Variants in ITPR2 observed in about 807,000 individuals in gnomAD.
The protein encoded by ITPR2 is inositol 1,4,5-trisphosphate receptor type 2.
A neutral mutation model predicts 317.1 loss-of-function variants in ITPR2; 207 were observed. The observed-to-expected ratio is 0.65, with a 90% CI of 0.58 to 0.73. ITPR2 has a LOEUF of 0.73. Ranked by LOEUF, ITPR2 falls within the 30% of genes least tolerant of loss-of-function variation. The pLI is 0.00. For synonymous variants in ITPR2, 1,156 were observed against 1,149.1 expected, an observed-to-expected ratio of 1.01 and a Z score of -0.12; for missense variants, 2,613 against 3,284.0, an observed-to-expected ratio of 0.80 and a Z score of 4.99.
chr12:26,815,240 G>A (rs960349241), intron 1 of ITPR2, among the ~76,000 whole-genome samples: 5 of 152,288 alleles, frequency 3.3e-5, no homozygotes, highest in African/African-American at 1.2e-4. Flanking sequence ...GCTGAGGCAG[G>A]AGAATCACTT....
At chr12:26,775,891 T>G (rs1333742710) in intron 2 of ITPR2, among the ~76,000 whole-genome samples, 3 of 147,786 alleles carry the variant, frequency 2.0e-5, no homozygotes, top group Non-Finnish European at 4.5e-5. Flanking sequence ...TGCAGAACCT[T>G]GTGATCGTGT....
chr12:26,486,854 G>A lies in ITPR2; in HGVS notation c.5554+214C>T, dbSNP rs148862416. 51 of 679,242 alleles carry A rather than the reference G, an allele frequency of 7.5e-5. 1 individual carries two copies. The highest frequency in any genetic ancestry group is 4.9e-4 in the African/African-American group (28 of 56,894). The allele number at this position is 679,242 out of a possible 1,614,324, so 42.1% of individuals were successfully genotyped here. ...AATGAAATCAAACATCTTTCATGCC[G>A]TTGGTTGCTTTGCACTGATTATGTC... On this transcript the variant is annotated intron_variant, in intron 40 of 56. Coordinates refer to ENST00000381340, the MANE Select transcript of ITPR2 (RefSeq NM_002223.4).
At chr12:26,727,967 G>A (rs757508703) in intron 2 of ITPR2, among the ~76,000 whole-genome samples, 6 of 152,104 alleles carry the variant, frequency 3.9e-5, no homozygotes, top group African/African-American at 7.2e-5. Context: ...TGAAGGCAGC[G>A]AAGAATGCTA....
intron 45 of ITPR2, among the ~76,000 whole-genome samples, chr12:26,469,652 G>C (rs1323060978): frequency 2.0e-5 from 3 of 151,946 alleles, no homozygotes; most frequent in Non-Finnish European, 4.4e-5. Flanking sequence ...CAAATTCCCT[G>C]AGAGCTGATC....
At chr12:26,362,235 C>G (rs1231386800) in intron 55 of ITPR2, among the ~76,000 whole-genome samples, 2 of 152,174 alleles carry the variant, frequency 1.3e-5, no homozygotes, top group Non-Finnish European at 2.9e-5. Flanking sequence ...CTAGTTCAAC[C>G]TGCACTTCCT....
chr12:26,436,498 A>C, intron 47 of ITPR2, 152 bp from the exon 48 acceptor site: 1 of 684,364 alleles, frequency 1.5e-6, no homozygotes, highest in Non-Finnish European at 2.3e-6. Flanking sequence ...GAGTAAGTTT[A>C]TTAAAAACAA....
chr12:26,792,674 G>C (rs554334505), intron 1 of ITPR2, among the ~76,000 whole-genome samples: 2 of 152,150 alleles, frequency 1.3e-5, no homozygotes, highest in Admixed American at 6.5e-5. Flanking sequence ...CTAGAATGAG[G>C]TGCAATAGAT....
At chr12:26,625,160 TAGAC>T (rs1443578411) in intron 23 of ITPR2, among the ~76,000 whole-genome samples, 1 of 151,988 alleles carries the variant, frequency 6.6e-6, no homozygotes, top group African/African-American at 2.4e-5. Context: ...CTCATGGCGA[TAGAC>T]AGTAGAATAA....
intron 37 of ITPR2, among the ~76,000 whole-genome samples, chr12:26,546,621 G>A (rs566336185): frequency 6.6e-6 from 1 of 152,070 alleles, no homozygotes; most frequent in East Asian, 1.9e-4. Flanking sequence ...GAACAAAGCT[G>A]GAGGCATCAA....
At chr12:26,393,096 G>A (rs1209426426) in intron 54 of ITPR2, among the ~76,000 whole-genome samples, 2 of 152,216 alleles carry the variant, frequency 1.3e-5, no homozygotes, top group East Asian at 1.9e-4. Flanking sequence ...GGCTGGGAAA[G>A]TTCCAACTAG....
intron 42 of ITPR2, among the ~76,000 whole-genome samples, 180 bp from the exon 43 acceptor site, chr12:26,481,421 G>C (rs1942542830): frequency 6.6e-6 from 1 of 152,164 alleles, no homozygotes; most frequent in Non-Finnish European, 1.5e-5. Context: ...GATTAGTATT[G>C]ATCAAATGGT....
intron 10 of ITPR2, 66 bp from the exon 11 acceptor site, chr12:26,686,698 G>T (rs528725367): frequency 1.4e-6 from 2 of 1,381,624 alleles, no homozygotes; most frequent in African/African-American, 2.9e-5. Context: ...AATTAATCAG[G>T]TGATAAGGTT....
chr12:26,486,195 T>C lies in ITPR2; in HGVS notation c.5720A>G (p.Glu1907Gly), dbSNP rs1317712141. The change falls in exon 41 of 57, where the codon GAG becomes GGG. Residue 1907 changes from glutamate (E) to glycine (G), a missense_variant. Transcript: ENST00000381340. ...AATTGCGGGACTCATTGTTACTTCC[T>C]CTGCGGATTTTTCCTCAGTGTTTCC... ...EAGNTEEKSAEEVTMSPAIAI... is the reference protein window; with the variant it reads ...EAGNTEEKSAGEVTMSPAIAI... 8 of 1,614,196 alleles carry C rather than the reference T, an allele frequency of 5.0e-6. No individual in the cohort carries two copies. Among genetic ancestry groups the C allele is most frequent in the Admixed American group, 1.7e-5 (1 of 60,034 alleles).
chr12:26,495,328 A>G (rs998426034), intron 37 of ITPR2, 68 bp from the exon 38 acceptor site: 2 of 777,108 alleles, frequency 2.6e-6, no homozygotes, highest in African/African-American at 1.8e-5. Flanking sequence ...TCAGTATGTT[A>G]AATGCTTTAA....
intron 23 of ITPR2, among the ~76,000 whole-genome samples, chr12:26,625,005 T>C (rs1946588111): frequency 6.6e-6 from 1 of 151,972 alleles, no homozygotes; most frequent in African/African-American, 2.4e-5. Context: ...TATTCAGCCA[T>C]TAAAAAAAAG....
At chr12:26,389,488 CTT>C (rs200480528) in intron 54 of ITPR2, among the ~76,000 whole-genome samples, 40,332 of 145,072 alleles carry the variant, frequency 0.28, 5,335 homozygotes, top group Middle Eastern at 0.3. Context: ...GGCCTCTTTG[CTT>C]TTTTTTTTTT....
intron 10 of ITPR2, among the ~76,000 whole-genome samples, chr12:26,689,751 G>C (rs1418831492): frequency 6.6e-6 from 1 of 152,144 alleles, no homozygotes; most frequent in South Asian, 2.1e-4. Context: ...GTGCAAGTAG[G>C]AATTCCTTGT....
At chr12:26,711,381 A>G (rs1247806118) in intron 8 of ITPR2, 113 bp from the exon 9 acceptor site, 3 of 722,922 alleles carry the variant, frequency 4.1e-6, no homozygotes, top group South Asian at 1.6e-5. Flanking sequence ...CAAACCTAAT[A>G]TATGTTTCCA....
At chr12:26,603,795 G>A (rs1208313158) in intron 26 of ITPR2, among the ~76,000 whole-genome samples, 1 of 152,118 alleles carries the variant, frequency 6.6e-6, no homozygotes, top group South Asian at 2.1e-4. Flanking sequence ...TTAGCCAAAG[G>A]TACTGCAGCA....
Sources: allele counts gnomAD v4.1 joint callset (sites outside exome capture counted in the v4.1 genomes callset), GRCh38; gene constraint gnomAD v4.1.1; transcripts MANE v1.5; gene names NCBI Gene and HGNC (gene_info 2026-07-23, HGNC 2026-07-21).